The following BLMH variants were observed in gnomAD, a reference collection of about 807,000 sequenced individuals.
BLMH encodes the protein BLM hydrolase.
In BLMH, 32 loss-of-function variants were observed where a neutral mutation model predicts 61.6. That is an observed-to-expected ratio of 0.52 (90% CI 0.39 to 0.70). The LOEUF (loss-of-function observed/expected upper bound fraction) is 0.70. Ranked by LOEUF, BLMH falls within the 30% of genes least tolerant of loss-of-function variation. The pLI is 0.00. For synonymous variants in BLMH, 183 were observed against 193.8 expected (o/e 0.94, Z 0.46); for missense variants, 460 against 555.5 (o/e 0.83, Z 1.73).
chr17:30,263,045 TCATACAG>T (rs1908006369), intron 11 of BLMH, among the ~76,000 whole-genome samples: 1 of 152,114 alleles, frequency 6.6e-6, no homozygotes, highest in Admixed American at 6.6e-5. Flanking sequence ...TCCAGGTCCT[TCATACAG>T]TTTTATATCC....
At chr17:30,262,355 A>C (rs1907980797) in intron 11 of BLMH, among the ~76,000 whole-genome samples, 1 of 152,228 alleles carries the variant, frequency 6.6e-6, no homozygotes, top group Non-Finnish European at 1.5e-5. Flanking sequence ...CTAGGAATTT[A>C]ATTTATTGAC....
At chr17:30,275,557 G>A (rs574613263) in intron 6 of BLMH, among the ~76,000 whole-genome samples, 28 of 151,832 alleles carry the variant, frequency 1.8e-4, no homozygotes, top group Non-Finnish European at 3.2e-4. Context: ...ATGGTGGTAT[G>A]TACCTATAAT....
At position 30,285,362 on chromosome 17, in the gene BLMH, C is replaced by CA. The variant is rs767219842; in HGVS notation, c.645+25dup. The CA allele has an allele frequency of 7.0e-6, 11 of 1,571,780 alleles. No homozygotes were observed. The South Asian group carries it at 8.0e-5, about 11-fold the overall frequency. ...TTCTGAGAGTTCCTTAGAGGGGTCA[C>CA]AAAAAAATCCAAATTTTGTTATTAC... On this transcript the variant is annotated intron_variant, in intron 6 of 11. Coordinates refer to ENST00000261714, the MANE Select transcript of BLMH (RefSeq NM_000386.4).
intron 7 of BLMH, 55 bp downstream of exon 7, chr17:30,273,987 G>A (rs16965663): frequency 0.056 from 88,930 of 1,591,692 alleles, 3,373 homozygotes; most frequent in African/African-American, 0.17. Context: ...AATTCCCTGT[G>A]GTTAACAGCC....
chr17:30,271,160 T>C (rs542406815), intron 10 of BLMH, 111 bp downstream of exon 10: 12 of 846,866 alleles, frequency 1.4e-5, no homozygotes. Flanking sequence ...GGAAACTAAC[T>C]TTTAACAGAA....
intron 11 of BLMH, chr17:30,250,373 C>T (rs956009866): frequency 1.3e-5 from 2 of 151,946 alleles, no homozygotes; most frequent in Non-Finnish European, 2.9e-5. Flanking sequence ...CTCAAACAAT[C>T]GGCAAGAAAC....
intron 11 of BLMH, among the ~76,000 whole-genome samples, chr17:30,251,781 C>G (rs1456505406): frequency 6.6e-6 from 1 of 152,248 alleles, no homozygotes; most frequent in Non-Finnish European, 1.5e-5. Context: ...CTCTTGGCCT[C>G]AAGCCCTGCC....
chr17:30,276,770 A>AC (rs1908436231), intron 6 of BLMH, among the ~76,000 whole-genome samples: 1 of 152,230 alleles, frequency 6.6e-6, no homozygotes, highest in African/African-American at 2.4e-5. Flanking sequence ...TTTTTTAAAA[A>AC]CATACATATA....
chr17:30,258,738 C>T (rs1156759703), intron 11 of BLMH, among the ~76,000 whole-genome samples: 1 of 152,182 alleles, frequency 6.6e-6, no homozygotes, highest in Non-Finnish European at 1.5e-5. Context: ...GAGAGGAAAG[C>T]ACAAATTTAG....
chr17:30,273,331 T>A (rs1251825657), intron 7 of BLMH: 3 of 162,498 alleles, frequency 1.8e-5, no homozygotes, highest in African/African-American at 7.2e-5. Flanking sequence ...CATGCCTGGC[T>A]AATTTTTGTA....
At chr17:30,254,039 C>T (rs1339556342) in intron 11 of BLMH, among the ~76,000 whole-genome samples, 1 of 152,104 alleles carries the variant, frequency 6.6e-6, no homozygotes, top group Non-Finnish European at 1.5e-5. Context: ...GGAAAAAAGA[C>T]GCTTTACCTA....
chr17:30,267,011 G>T, intron 10 of BLMH, 57 bp from the exon 11 acceptor site: 2 of 1,543,406 alleles, frequency 1.3e-6, no homozygotes, highest in South Asian at 1.1e-5. Flanking sequence ...CTGCTGAGGT[G>T]TCATATAATT....
At chr17:30,283,212 T>C (rs929091699) in intron 6 of BLMH, among the ~76,000 whole-genome samples, 2 of 152,124 alleles carry the variant, frequency 1.3e-5, no homozygotes, top group Non-Finnish European at 2.9e-5. Context: ...ATAGTTTAGG[T>C]AGAATCATTA....
intron 11 of BLMH, among the ~76,000 whole-genome samples, chr17:30,262,913 A>G (rs1047011510): frequency 6.6e-6 from 1 of 152,212 alleles, no homozygotes; most frequent in Non-Finnish European, 1.5e-5. Flanking sequence ...CCTAAGTCAC[A>G]ATGTGCTAAC....
intron 11 of BLMH, among the ~76,000 whole-genome samples, chr17:30,262,729 A>G (rs1907991457): frequency 6.6e-6 from 1 of 152,246 alleles, no homozygotes; most frequent in South Asian, 2.1e-4. Context: ...TGGGAGGCGA[A>G]GCTTGCAGTG....
At chr17:30,266,523 C>CA (rs770078465) in intron 11 of BLMH, among the ~76,000 whole-genome samples, 5,584 of 52,064 alleles carry the variant, frequency 0.11, 216 homozygotes, top group African/African-American at 0.16. Context: ...AGACTCTGTC[C>CA]AAAAAAAAAA....
intron 6 of BLMH, among the ~76,000 whole-genome samples, chr17:30,275,642 T>C (rs1908402586): frequency 1.3e-5 from 2 of 151,716 alleles, no homozygotes; most frequent in Admixed American, 6.6e-5. Context: ...GCCGAGATCA[T>C]GCCATTGCAC....
At position 30,250,931 on chromosome 17, in the gene BLMH, G is replaced by A. The variant is rs146132580; in HGVS notation, c.1217-1763C>T. ...AAAAAGGAAAAAAATAATGTATTTTGTAGCAACTTCGATGGAGCTGGAGGC... is the reference window on the plus strand; with the variant it reads ...AAAAAGGAAAAAAATAATGTATTTTATAGCAACTTCGATGGAGCTGGAGGC... On this transcript the variant is annotated intron_variant, in intron 11 of 11. Coordinates refer to ENST00000261714, the MANE Select transcript of BLMH (RefSeq NM_000386.4). 2.9e-4 allele frequency among the ~76,000 whole-genome samples: 44 copies of A among 152,302 alleles called. 1 individual carries two copies. Among genetic ancestry groups the A allele is most frequent in the African/African-American group, 1.1e-3 (44 of 41,570 alleles).
At chr17:30,265,678 G>A (rs1396714539) in intron 11 of BLMH, among the ~76,000 whole-genome samples, 1 of 152,032 alleles carries the variant, frequency 6.6e-6, no homozygotes, top group Non-Finnish European at 1.5e-5. Flanking sequence ...GTCTACTAAG[G>A]TGCGGTTAAT....
Sources: gnomAD v4.1 joint callset for allele counts (sites outside exome capture counted in the v4.1 genomes callset) on GRCh38, gnomAD v4.1.1 for gene constraint, MANE v1.5 for transcripts, NCBI Gene and HGNC (gene_info 2026-07-23, HGNC 2026-07-21) for gene names.